Variants in CRMP1 observed in about 807,000 individuals in gnomAD.
CRMP1 encodes the protein dihydropyrimidinase-related protein 1.
CRMP1 carries 19 observed loss-of-function variants against 68.3 expected under a neutral mutation model. The ratio of observed to expected loss-of-function variants is 0.28; its 90% CI spans 0.19 to 0.41. CRMP1 has a LOEUF of 0.41. CRMP1 is among the 10% of genes least tolerant of loss of function. The probability of loss-of-function intolerance (pLI) is 1.00; values close to 1 mark genes in which losing one functional copy is unlikely to be tolerated. For missense variants in CRMP1, 791 were observed against 967.4 expected, an observed-to-expected ratio of 0.82 and a Z score of 2.42; for synonymous variants, 439 against 399.6, an observed-to-expected ratio of 1.10 and a Z score of -1.18.
rs750485076 is a variant in CRMP1, at chr4:5,821,829, ATTG to A, written c.1989_1991del (p.Asn664del). On this transcript the variant is annotated inframe_deletion, in exon 14 of 14. Coordinates refer to ENST00000324989, the MANE Select transcript of CRMP1 (RefSeq NM_001014809.3). This position sits in a 1 kb window ranked among gnomAD's most constrained non-coding sequence, Gnocchi z 4.4. ...CGATGCGGTGGCCGGTGCGCCTGGG[ATTG>A]TTGTCATCTATCTGGGCACCTGAAA... 5.0e-6 allele frequency: 8 copies of A among 1,597,900 alleles called. No homozygotes were observed. The highest frequency in any genetic ancestry group is 6.8e-6 in the Non-Finnish European group (8 of 1,173,810).
At chr4:5,852,710 G>A (rs925061132) in intron 4 of CRMP1, among the ~76,000 whole-genome samples, 7 of 152,192 alleles carry the variant, frequency 4.6e-5, no homozygotes, top group South Asian at 2.1e-4. Flanking sequence ...GTCCCTGCCC[G>A]TAGGGGGCTC....
intron 11 of CRMP1, among the ~76,000 whole-genome samples, chr4:5,833,614 C>G (rs935913244): frequency 2.0e-5 from 3 of 152,120 alleles, no homozygotes; most frequent in African/African-American, 4.8e-5. Flanking sequence ...CTTAGAAGAT[C>G]GTGAGGATTA....
rs538965745 is a variant in CRMP1 at position 5,831,983 on chromosome 4, TA to T, written c.1624-3316del. On this transcript the variant is annotated intron_variant, in intron 11 of 13. Coordinates refer to ENST00000324989, the MANE Select transcript of CRMP1 (RefSeq NM_001014809.3). The stretch of plus-strand genomic sequence containing the variant: ...AACGTGGTCCATCCCTACAAGGGGG[TA>T]TTATTCAGCCATCAAAGGAACATGG... Among the ~76,000 whole-genome samples, 527 of 152,196 alleles carry T rather than the reference TA, an allele frequency of 3.5e-3. 2 individuals are homozygous for T. The highest frequency in any genetic ancestry group is 0.012 in the African/African-American group (505 of 41,520).
chr4:5,825,903 GCA>G lies in CRMP1; in HGVS notation c.1804-246_1804-245del, dbSNP rs1207109693. The G allele has an allele frequency of 4.7e-5, 24 of 513,330 alleles. No homozygotes were observed. The highest frequency in any genetic ancestry group is 7.0e-5 in the East Asian group (2 of 28,376). 31.8% of individuals were successfully genotyped at this position (513,330 alleles called of 1,614,324 possible). On this transcript the variant is annotated intron_variant, in intron 12 of 13. Transcript: ENST00000324989. The surrounding 1 kb of genome is among the most constrained non-coding windows in gnomAD (Gnocchi z 4.4). ...TACCCACATGCATACACATACAGAC[GCA>G]CACACCACGCACACGCACTCACATA...
chr4:5,892,762 G>A lies in CRMP1; in HGVS notation c.208C>T (p.Pro70Ser). The A allele has an allele frequency of 1.6e-6, 2 of 1,234,062 alleles. No homozygotes were observed. The highest frequency in any genetic ancestry group is 3.5e-5 in the East Asian group (1 of 28,960). The allele number at this position is 1,234,062 out of a possible 1,614,324, so 76.4% of individuals were successfully genotyped here. Residue 70 changes from proline (P) to serine (S), a missense_variant, in exon 1 of 14, where the codon CCC (proline) becomes TCC (serine). Around this residue, in one of 3 missense-constraint regions of CRMP1, gnomAD observed 193 missense variants for 186.3 expected, o/e 1.04. Coordinates refer to ENST00000324989, the MANE Select transcript of CRMP1 (RefSeq NM_001014809.3). The surrounding 1 kb of genome is among the most constrained non-coding windows in gnomAD (Gnocchi z 8.6). The stretch of plus-strand genomic sequence containing the variant: ...GGCCCTGGCAGCCCGACCGCGTCGG[G>A]CCGGCCAGCGCTGCGCGGCGTGCGC... The part of the protein sequence containing the change: ...SARTPRSAGR[P>S]DAVGLPGPGG...
At chr4:5,871,612 A>T (rs1294930234) in intron 1 of CRMP1, among the ~76,000 whole-genome samples, 1 of 152,140 alleles carries the variant, frequency 6.6e-6, no homozygotes, top group Non-Finnish European at 1.5e-5. Flanking sequence ...GTGAGCCGAG[A>T]TCGCACCACT....
chr4:5,887,598 G>C (rs192731377), intron 1 of CRMP1: 1 of 984,946 alleles, frequency 1.0e-6, no homozygotes, highest in South Asian at 4.7e-5. Context: ...ACCCTCTCGC[G>C]GCCCAGCGTC....
intron 4 of CRMP1, 117 bp from the exon 5 acceptor site, chr4:5,851,586 T>C: frequency 9.7e-7 from 1 of 1,027,120 alleles, no homozygotes; most frequent in South Asian, 1.3e-5. Context: ...TGAGTGCCAT[T>C]GGGATCCCCA....
rs746858170 is a variant in CRMP1 at position 5,889,513 on chromosome 4, G to A, written c.381+3076C>T. ...GCCAGGTCACAGCTTGACAAGGTCC[G>A]TAACAGCAGAGGGGAAAAGATGAAA... On this transcript the variant is annotated intron_variant, in intron 1 of 13. Transcript: ENST00000324989. The surrounding 1 kb of genome is among the most constrained non-coding windows in gnomAD (Gnocchi z 4.5). The A allele has an allele frequency of 1.3e-5, 20 of 1,504,042 alleles. No homozygotes were observed. The highest frequency in any genetic ancestry group is 5.9e-5 in the Admixed American group (3 of 50,794). 93.2% of individuals were successfully genotyped at this position (1,504,042 alleles called of 1,614,324 possible). A position where few individuals can be genotyped will look rare whatever the true frequency, so the allele number is the denominator to read the frequency against.
intron 4 of CRMP1, among the ~76,000 whole-genome samples, chr4:5,852,097 G>A (rs1712701304): frequency 6.6e-6 from 1 of 152,214 alleles, no homozygotes; most frequent in Non-Finnish European, 1.5e-5. Flanking sequence ...TACGGAAGAT[G>A]AAAAGACATT....
At chr4:5,880,192 T>C (rs577799181) in intron 1 of CRMP1, among the ~76,000 whole-genome samples, 2 of 152,284 alleles carry the variant, frequency 1.3e-5, no homozygotes, top group Admixed American at 1.3e-4. Flanking sequence ...GAGAACATAC[T>C]GGGAATTTCT....
chr4:5,851,297 C>T, intron 5 of CRMP1, 111 bp downstream of exon 5: 2 of 962,392 alleles, frequency 2.1e-6, no homozygotes, highest in South Asian at 1.3e-5. Context: ...AGAACCAGGA[C>T]TCGAATCCCA....
At position 5,888,659 on chromosome 4, in the gene CRMP1, CCCCGCCCTGCGCACACG is replaced by C; in HGVS notation, c.381+3913_381+3929del. 1.0e-6 allele frequency: 1 copy of C among 975,018 alleles called. No homozygotes were observed. The highest frequency in any genetic ancestry group is 1.2e-6 in the Non-Finnish European group (1 of 821,266). The allele number at this position is 975,018 out of a possible 1,614,324, so 60.4% of individuals were successfully genotyped here. On this transcript the variant is annotated intron_variant, in intron 1 of 13. Transcript: ENST00000324989. This position sits in a 1 kb window ranked among gnomAD's most constrained non-coding sequence, Gnocchi z 6.4. ...CCCCCACCCGCCCAGCCCCGCCGAC[CCCCGCCCTGCGCACACG>C]CCCTTGGCGGGCCCTGGCCTCGCTC...
Position 5,859,097 on chromosome 4 carries a change from T to C in CRMP1, c.655+1929A>G, listed in dbSNP as rs1433270455. ...AGTTTCTAGTCATACATGTGGACGA[T>C]TAGTGACTCCCCAAGAGATGGCAGT... On this transcript the variant is annotated intron_variant, in intron 3 of 13. Transcript: ENST00000324989. This position sits in a 1 kb window ranked among gnomAD's most constrained non-coding sequence, Gnocchi z 5.2. Among the ~76,000 whole-genome samples the C allele has an allele frequency of 6.6e-6, 1 of 152,212 alleles. No individual in the cohort carries two copies. Among genetic ancestry groups the C allele is most frequent in the Middle Eastern group, 3.2e-3 (1 of 316 alleles).
At position 5,865,354 on chromosome 4, in the gene CRMP1, G is replaced by A. The variant is rs1713907964; in HGVS notation, c.470+1314C>T. Among the ~76,000 whole-genome samples the A allele has an allele frequency of 6.6e-6, 1 of 152,098 alleles. No individual in the cohort carries two copies. The highest frequency in any genetic ancestry group is 2.4e-5 in the African/African-American group (1 of 41,430). The stretch of plus-strand genomic sequence containing the variant: ...ATGTTAAGGCCAGCCAGGCGCGATG[G>A]CTCACACCTGTAATCCCAGCACTTT... On this transcript the variant is annotated intron_variant, in intron 2 of 13. Coordinates refer to ENST00000324989, the MANE Select transcript of CRMP1 (RefSeq NM_001014809.3). The surrounding 1 kb of genome is among the most constrained non-coding windows in gnomAD (Gnocchi z 4.1).
chr4:5,862,246 C>G (rs557875717), intron 2 of CRMP1, among the ~76,000 whole-genome samples: 178 of 152,258 alleles, frequency 1.2e-3, no homozygotes, highest in Non-Finnish European at 2.2e-3. Context: ...TCTCCACTGC[C>G]GCTGCTTATA....
rs1442324679 is a variant in CRMP1, at chr4:5,890,830, C to T, written c.381+1759G>A. On this transcript the variant is annotated intron_variant, in intron 1 of 13. Transcript: ENST00000324989. This position sits in a 1 kb window ranked among gnomAD's most constrained non-coding sequence, Gnocchi z 5.5. ...TGACCGCAGTTCCAGAGGAACTCTC[C>T]TTGGGACAGCTACGGGCCGTGCACA... is the stretch of plus-strand genomic sequence containing the variant. Among the ~76,000 whole-genome samples the T allele has an allele frequency of 6.6e-6, 1 of 152,108 alleles. No individual in the cohort carries two copies. Among genetic ancestry groups the T allele is most frequent in the Non-Finnish European group, 1.5e-5 (1 of 68,004 alleles).
chr4:5,823,082 C>T (rs528341479), intron 13 of CRMP1, among the ~76,000 whole-genome samples: 6 of 152,298 alleles, frequency 3.9e-5, no homozygotes, highest in African/African-American at 1.2e-4. Flanking sequence ...AGGTAGTTGT[C>T]ACCTGCAACA....
Position 5,825,969 on chromosome 4 carries a change from A to ATGC in CRMP1, c.1804-311_1804-310insGCA. The ATGC allele has an allele frequency of 2.3e-5, 9 of 394,534 alleles. No individual in the cohort carries two copies. The highest frequency in any genetic ancestry group is 2.7e-5 in the Non-Finnish European group (6 of 219,692). The allele number at this position is 394,534 out of a possible 1,614,324, so 24.4% of individuals were successfully genotyped here. A position where few individuals can be genotyped will look rare whatever the true frequency, so the allele number is the denominator to read the frequency against. Reference sequence around the variant, plus strand: ...ACACATATATGCATGCACATGCAGTAACAAAACAGGCCTACACAGTAGCAT... The same window carrying ATGC: ...ACACATATATGCATGCACATGCAGTATGCACAAAACAGGCCTACACAGTAGCAT... On this transcript the variant is annotated intron_variant, in intron 12 of 13. Transcript: ENST00000324989. This position sits in a 1 kb window ranked among gnomAD's most constrained non-coding sequence, Gnocchi z 4.4.
Sources: gnomAD v4.1 joint callset for allele counts (sites outside exome capture counted in the v4.1 genomes callset) on GRCh38, gnomAD v4.1.1 for gene constraint, gnomAD v4.1.1 regional missense constraint, Gnocchi (gnomAD v3.1) non-coding constraint, MANE v1.5 for transcripts, NCBI Gene and HGNC (gene_info 2026-07-23, HGNC 2026-07-21) for gene names.